The following SHISA9 variants were observed in gnomAD, a reference collection of about 807,000 sequenced individuals.
The protein encoded by SHISA9 is shisa family member 9.
SHISA9 carries 13 observed loss-of-function variants against 38.0 expected under a neutral mutation model. The observed-to-expected ratio is 0.34, with a 90% CI of 0.22 to 0.54. The LOEUF (loss-of-function observed/expected upper bound fraction) is 0.54, where lower values mean the gene tolerates loss of function less well. Ranked by LOEUF, SHISA9 falls within the 20% of genes least tolerant of loss-of-function variation. The probability of loss-of-function intolerance (pLI) is 0.91; values close to 1 mark genes in which losing one functional copy is unlikely to be tolerated. For synonymous variants in SHISA9, 275 were observed against 242.0 expected (o/e 1.14, Z -1.27); for missense variants, 538 against 575.8 (o/e 0.93, Z 0.67).
At chr16:13,493,835 T>C in the SHISA9 span, among the ~76,000 whole-genome samples, 1 of 152,166 alleles carries the variant, frequency 6.6e-6, no homozygotes, top group Non-Finnish European at 1.5e-5. Context: ...ACAGAAGGTC[T>C]CAAAGGGTTT....
At chr16:13,466,424 C>G in the SHISA9 span, among the ~76,000 whole-genome samples, 1 of 152,202 alleles carries the variant, frequency 6.6e-6, no homozygotes, top group Non-Finnish European at 1.5e-5. Flanking sequence ...CAGTGAAAAA[C>G]TACAACATCT....
chr16:13,165,696 G>C (rs2050629569), intron 2 of SHISA9, among the ~76,000 whole-genome samples: 1 of 152,190 alleles, frequency 6.6e-6, no homozygotes, highest in African/African-American at 2.4e-5. Context: ...ACACACTCCA[G>C]CCTTTCCCAC....
At chr16:13,291,476 C>A in the SHISA9 span, among the ~76,000 whole-genome samples, 1 of 152,212 alleles carries the variant, frequency 6.6e-6, no homozygotes, top group Non-Finnish European at 1.5e-5. Flanking sequence ...AACCCACTAA[C>A]TTCATTACCC....
At chr16:13,380,078 C>T in the SHISA9 span, among the ~76,000 whole-genome samples, 241 of 151,286 alleles carry the variant, frequency 1.6e-3, no homozygotes, top group Middle Eastern at 3.4e-3. Context: ...AACCGAAAGA[C>T]GAAGATACAG....
chr16:13,016,518 G>A (rs995936446), intron 2 of SHISA9, among the ~76,000 whole-genome samples: 4 of 152,190 alleles, frequency 2.6e-5, no homozygotes, highest in Non-Finnish European at 4.4e-5. Flanking sequence ...ATGCCTCTGG[G>A]AAGAAGACTC....
chr16:13,025,757 T>A lies in SHISA9; in HGVS notation c.691+108942T>A, dbSNP rs181038810. 5.4e-4 allele frequency among the ~76,000 whole-genome samples: 82 copies of A among 152,266 alleles called. 1 individual carries two copies. In the East Asian group the frequency reaches 7.1e-3, roughly 13 times the overall value. Reference sequence around the variant, plus strand: ...CTTTTTTTTATTTTTTACTTTTTATTTTTACTTTTTTATTGTAAGAACACT... The same window carrying A: ...CTTTTTTTTATTTTTTACTTTTTATATTTACTTTTTTATTGTAAGAACACT... On this transcript the variant is annotated intron_variant, in intron 2 of 4. Transcript: ENST00000558583.
chr16:13,461,104 C>T, the SHISA9 span, among the ~76,000 whole-genome samples: 1 of 152,128 alleles, frequency 6.6e-6, no homozygotes, highest in African/African-American at 2.4e-5. Context: ...AAGGTGGCAC[C>T]CTTGCAGAGA....
chr16:13,224,134 A>G (rs2051256252), intron 4 of SHISA9, among the ~76,000 whole-genome samples: 2 of 152,218 alleles, frequency 1.3e-5, no homozygotes, highest in South Asian at 2.1e-4. Flanking sequence ...TAGAACACAC[A>G]CTTAAGAAAG....
the SHISA9 span, among the ~76,000 whole-genome samples, chr16:13,545,200 G>T: frequency 6.6e-6 from 1 of 152,176 alleles, no homozygotes; most frequent in South Asian, 2.1e-4. Context: ...CGAATAATTT[G>T]TCCAAGATCG....
chr16:13,027,777 A>G (rs766480577), intron 2 of SHISA9, among the ~76,000 whole-genome samples: 24 of 151,972 alleles, frequency 1.6e-4, no homozygotes, highest in Non-Finnish European at 1.8e-4. Flanking sequence ...AAGTACAAAA[A>G]TTAGCTGGGT....
At chr16:13,247,331 A>C in the SHISA9 span, among the ~76,000 whole-genome samples, 1 of 152,142 alleles carries the variant, frequency 6.6e-6, no homozygotes, top group Admixed American at 6.5e-5. Context: ...CAATCATCTT[A>C]ATTAAACTTC....
At chr16:13,463,935 T>A in the SHISA9 span, among the ~76,000 whole-genome samples, 1 of 152,248 alleles carries the variant, frequency 6.6e-6, no homozygotes, top group Non-Finnish European at 1.5e-5. Context: ...TTGGCAGGAT[T>A]GTTCTTTAAA....
intron 2 of SHISA9, among the ~76,000 whole-genome samples, chr16:13,196,769 C>A (rs1215488266): frequency 6.6e-5 from 10 of 152,098 alleles, no homozygotes; most frequent in Admixed American, 2.6e-4. Context: ...AAATCTAAAA[C>A]CGTTTCATAG....
chr16:13,460,179 A>G, the SHISA9 span, among the ~76,000 whole-genome samples: 1 of 152,222 alleles, frequency 6.6e-6, no homozygotes, highest in Non-Finnish European at 1.5e-5. Context: ...GGCAAATACC[A>G]GAAGAACAAA....
chr16:12,931,222 C>T (rs1352159596), intron 2 of SHISA9, among the ~76,000 whole-genome samples: 1 of 152,164 alleles, frequency 6.6e-6, no homozygotes, highest in Non-Finnish European at 1.5e-5. Flanking sequence ...CTTACCTTTT[C>T]CTGGTTTTCG....
intron 2 of SHISA9, among the ~76,000 whole-genome samples, chr16:13,016,688 A>G (rs2072761570): frequency 6.6e-6 from 1 of 152,068 alleles, no homozygotes. Context: ...TTATTGATTT[A>G]TTTTTCTGGC....
At chr16:13,385,897 C>G in the SHISA9 span, among the ~76,000 whole-genome samples, 1 of 152,120 alleles carries the variant, frequency 6.6e-6, no homozygotes, top group African/African-American at 2.4e-5. Context: ...AAAAGGCAAT[C>G]CAAAAATGCC....
At chr16:13,019,798 TTCTTTC>T (rs1158357773) in intron 2 of SHISA9, among the ~76,000 whole-genome samples, 1 of 139,474 alleles carries the variant, frequency 7.2e-6, no homozygotes, top group Non-Finnish European at 1.6e-5. Context: ...CTTTCTTTCT[TTCTTTC>T]TTTCTTTCTT....
At chr16:13,473,574 C>A in the SHISA9 span, among the ~76,000 whole-genome samples, 1 of 152,118 alleles carries the variant, frequency 6.6e-6, no homozygotes, top group East Asian at 1.9e-4. Flanking sequence ...GAAATACCCA[C>A]CCTTCCTCAG....
Sources: allele counts gnomAD v4.1 joint callset (sites outside exome capture counted in the v4.1 genomes callset), GRCh38; gene constraint gnomAD v4.1.1; transcripts MANE v1.5; gene names NCBI Gene and HGNC (gene_info 2026-07-23, HGNC 2026-07-21).